The following TGFBRAP1 variants were observed in gnomAD, a reference collection of about 807,000 sequenced individuals.
The protein encoded by TGFBRAP1 is transforming growth factor beta receptor associated protein 1.
A neutral mutation model predicts 83.2 loss-of-function variants in TGFBRAP1; 20 were observed. That is an observed-to-expected ratio of 0.24 (90% CI 0.17 to 0.35). TGFBRAP1 has a LOEUF of 0.35. Among genes scored for constraint, TGFBRAP1 ranks in the 10% least tolerant of loss-of-function variants. The pLI, the probability that TGFBRAP1 is intolerant of heterozygous loss-of-function variation, is 1.00. For synonymous variants in TGFBRAP1, 415 were observed against 459.8 expected (o/e 0.90, Z 1.25); for missense variants, 950 against 1,099.4 (o/e 0.86, Z 1.92).
At chr2:105,280,271 G>T in intron 6 of TGFBRAP1, 111 bp downstream of exon 6, 1 of 1,172,900 alleles carries the variant, frequency 8.5e-7, no homozygotes, top group Non-Finnish European at 1.2e-6. Context: ...AGGTACTTGG[G>T]AACATAAACA....
Position 105,272,871 on chromosome 2 carries a change from T to C in TGFBRAP1, c.1956A>G (p.Arg652=). ...CATCCTCACCGAGAAGAAAGTGGAC[T>C]CGGTATAAATCAGATTTCTGGAGCA... The part of the protein sequence containing the change: ...RRLLQKSDLY[R]VHFLLERLQG... Residue 652 remains arginine (R), a synonymous_variant, in exon 10 of 12, where the codon CGA becomes CGG. Transcript: ENST00000393359. 6.2e-7 allele frequency: 1 copy of C among 1,607,978 alleles called. No homozygotes were observed. The highest frequency in any genetic ancestry group is 2.2e-5 in the East Asian group (1 of 44,840).
At chr2:105,324,562 T>C (rs1679167830) in intron 1 of TGFBRAP1, among the ~76,000 whole-genome samples, 1 of 152,192 alleles carries the variant, frequency 6.6e-6, no homozygotes. Context: ...CAGCCAAGTG[T>C]CCTCGCTTAA....
At chr2:105,316,477 G>A (rs1167569981) in intron 1 of TGFBRAP1, among the ~76,000 whole-genome samples, 3 of 69,100 alleles carry the variant, frequency 4.3e-5, no homozygotes, top group Non-Finnish European at 1.0e-4. Context: ...GCGCGCGCGC[G>A]CGCACGCGCA....
intron 4 of TGFBRAP1, 112 bp from the exon 5 acceptor site, chr2:105,284,510 C>A: frequency 5.3e-6 from 5 of 951,662 alleles, no homozygotes; most frequent in Admixed American, 4.4e-5. Flanking sequence ...TGTAAAATTA[C>A]AAGCTGAGGA....
In TGFBRAP1 at chr2:105,267,112, A is replaced by C; in HGVS notation, c.*271T>G. ...AAGTAGACCTCTGTCTTGGATTACT[A>C]TGTACCTGGACAGGTGAACTCTTGT... On this transcript the variant is annotated 3_prime_UTR_variant, in exon 12 of 12. Transcript: ENST00000393359. 1 of 383,856 alleles carries C rather than the reference A, an allele frequency of 2.6e-6. No individual in the cohort carries two copies. The highest frequency in any genetic ancestry group is 5.9e-5 in the South Asian group (1 of 16,910). The allele number at this position is 383,856 out of a possible 1,614,324, so 23.8% of individuals were successfully genotyped here.
chr2:105,269,248 C>A lies in TGFBRAP1; in HGVS notation c.2406+24G>T, dbSNP rs1335545238. On this transcript the variant is annotated intron_variant, in intron 11 of 11. Transcript: ENST00000393359. The surrounding 1 kb of genome is among the most constrained non-coding windows in gnomAD (Gnocchi z 4.1). Reference sequence around the variant, plus strand: ...AGTACAATGTTGACTGACCAGGAAGCAGCTCGTGGGGGCCAGCACTTACCT... The same window carrying A: ...AGTACAATGTTGACTGACCAGGAAGAAGCTCGTGGGGGCCAGCACTTACCT... 1 of 1,557,206 alleles carries A rather than the reference C, an allele frequency of 6.4e-7. No individual in the cohort carries two copies. Among genetic ancestry groups the A allele is most frequent in the East Asian group, 2.3e-5 (1 of 43,826 alleles).
At chr2:105,316,141 C>A (rs1352318968) in intron 1 of TGFBRAP1, among the ~76,000 whole-genome samples, 2 of 152,126 alleles carry the variant, frequency 1.3e-5, no homozygotes, top group South Asian at 4.1e-4. Context: ...TAATCTATAG[C>A]GACAGAAATC....
chr2:105,301,216 T>C (rs1678278699), intron 2 of TGFBRAP1, among the ~76,000 whole-genome samples: 1 of 151,950 alleles, frequency 6.6e-6, no homozygotes, highest in African/African-American at 2.4e-5. Context: ...AGAAATACCC[T>C]GTCTCAAAAA....
At chr2:105,319,408 T>A (rs1264631925) in intron 1 of TGFBRAP1, among the ~76,000 whole-genome samples, 1 of 146,216 alleles carries the variant, frequency 6.8e-6, no homozygotes. Context: ...AAGAGGCTTG[T>A]AGGCCAGGCG....
chr2:105,313,782 C>T (rs988571608), intron 1 of TGFBRAP1, among the ~76,000 whole-genome samples: 9 of 151,804 alleles, frequency 5.9e-5, no homozygotes, highest in African/African-American at 2.2e-4. Context: ...TAGCTCACCA[C>T]ATTTATAAAT....
At chr2:105,278,516 G>T (rs1218417834) in intron 6 of TGFBRAP1, among the ~76,000 whole-genome samples, 2 of 152,100 alleles carry the variant, frequency 1.3e-5, no homozygotes, top group Non-Finnish European at 2.9e-5. Context: ...TTCAAGTCCA[G>T]CTTCATTATT....
chr2:105,260,413 A>G (rs1389230344), downstream of TGFBRAP1, among the ~76,000 whole-genome samples: 1 of 152,208 alleles, frequency 6.6e-6, no homozygotes, highest in Admixed American at 6.5e-5. Flanking sequence ...TGTCTCCATA[A>G]AAAAGGAAGA....
chr2:105,298,630 A>T lies in TGFBRAP1; in HGVS notation c.764T>A (p.Val255Glu). ...GAGCGCTATGACGTATGGAAAGGAC[A>T]CAGCCGCCCCAATCACATTCTCCGA... ...HWSENVIGAA[V>E]SFPYVIALDD... Residue 255 changes from valine to glutamate, a missense_variant, in exon 3 of 12, where the codon GTG (valine) becomes GAG (glutamate). By Grantham distance (121) the Val-to-Glu change is moderately radical. Coordinates refer to ENST00000393359, the MANE Select transcript of TGFBRAP1 (RefSeq NM_004257.6). 6.2e-7 allele frequency: 1 copy of T among 1,614,068 alleles called. No individual in the cohort carries two copies. The highest frequency in any genetic ancestry group is 8.5e-7 in the Non-Finnish European group (1 of 1,179,970).
At chr2:105,259,395 G>A (rs949688256), downstream of TGFBRAP1, among the ~76,000 whole-genome samples, 2 of 152,188 alleles carry the variant, frequency 1.3e-5, no homozygotes, top group African/African-American at 2.4e-5. Context: ...GGAAAGTGAG[G>A]ATAAATGTCC....
intron 4 of TGFBRAP1, among the ~76,000 whole-genome samples, chr2:105,289,176 G>A (rs1677818672): frequency 6.6e-6 from 1 of 151,218 alleles, no homozygotes; most frequent in East Asian, 1.9e-4. Context: ...AAGAGGGAGA[G>A]CACACATAAG....
At chr2:105,320,868 C>G (rs1303175897) in intron 1 of TGFBRAP1, among the ~76,000 whole-genome samples, 1 of 152,180 alleles carries the variant, frequency 6.6e-6, no homozygotes, top group African/African-American at 2.4e-5. Context: ...CACTATGAGT[C>G]AGAAAATAGT....
intron 2 of TGFBRAP1, among the ~76,000 whole-genome samples, chr2:105,300,593 T>C (rs1242005521): frequency 1.3e-5 from 2 of 151,882 alleles, no homozygotes; most frequent in African/African-American, 4.8e-5. Flanking sequence ...TGCACCACCA[T>C]GCCTGGCTAA....
chr2:105,286,388 T>G (rs1430312200), intron 4 of TGFBRAP1, among the ~76,000 whole-genome samples: 2 of 152,204 alleles, frequency 1.3e-5, no homozygotes, highest in Admixed American at 1.3e-4. Context: ...ATTTCCAAAC[T>G]GTCTACTACG....
intron 2 of TGFBRAP1, among the ~76,000 whole-genome samples, chr2:105,299,549 G>T (rs73945084): frequency 6.6e-6 from 1 of 151,874 alleles, no homozygotes; most frequent in South Asian, 2.1e-4. Context: ...GCTGAACATC[G>T]CCCAACCAGA....
Sources: allele counts gnomAD v4.1 joint callset (sites outside exome capture counted in the v4.1 genomes callset), GRCh38; gene constraint gnomAD v4.1.1; non-coding constraint Gnocchi (gnomAD v3.1); transcripts MANE v1.5; gene names NCBI Gene and HGNC (gene_info 2026-07-23, HGNC 2026-07-21).